Variants in HSH2D observed in about 807,000 individuals in gnomAD.
HSH2D encodes the protein hematopoietic SH2 domain containing.
HSH2D carries 16 observed loss-of-function variants against 21.5 expected under a neutral mutation model. The ratio of observed to expected loss-of-function variants is 0.74; its 90% confidence interval spans 0.50 to 1.13. HSH2D has a LOEUF of 1.13. Among genes scored for constraint, HSH2D ranks in the 50% most tolerant of loss-of-function variants. The pLI is 0.00. For synonymous variants in HSH2D, 172 were observed against 184.7 expected, an observed-to-expected ratio of 0.93 and a Z score of 0.56; for missense variants, 418 against 441.4, an observed-to-expected ratio of 0.95 and a Z score of 0.47.
At chr19:16,146,111 G>T (rs925296931) in intron 1 of HSH2D, among the ~76,000 whole-genome samples, 2 of 151,248 alleles carry the variant, frequency 1.3e-5, no homozygotes, top group Non-Finnish European at 2.9e-5. Flanking sequence ...GGGTGAGCAA[G>T]AGGGGTCCTG....
At chr19:16,140,502 G>A (rs2090992741), upstream of HSH2D, among the ~76,000 whole-genome samples, 1 of 151,874 alleles carries the variant, frequency 6.6e-6, no homozygotes, top group Non-Finnish European at 1.5e-5. Context: ...CTACTGGGGA[G>A]ACTGAGGCAG....
chr19:16,151,696 A>C (rs551350265), intron 2 of HSH2D: 5 of 412,018 alleles, frequency 1.2e-5, no homozygotes, highest in Non-Finnish European at 2.4e-5. Flanking sequence ...GATCAAGGTC[A>C]TCAGACGCCT....
At chr19:16,153,450 G>T (rs2091192284) in intron 4 of HSH2D, among the ~76,000 whole-genome samples, 1 of 152,214 alleles carries the variant, frequency 6.6e-6, no homozygotes, top group African/African-American at 2.4e-5. Context: ...AAGGGTTCAT[G>T]TGCCAGGTAT....
chr19:16,134,993 G>A (rs987300006), intron 1 of HSH2D, among the ~76,000 whole-genome samples: 5 of 151,452 alleles, frequency 3.3e-5, no homozygotes, highest in Non-Finnish European at 7.4e-5. Context: ...AAAATTGGCC[G>A]GGTGCAGTGG....
At chr19:16,148,915 C>A in intron 2 of HSH2D, 40 bp downstream of exon 2, 1 of 1,573,128 alleles carries the variant, frequency 6.4e-7, no homozygotes, top group Non-Finnish European at 8.6e-7. Flanking sequence ...CCCTCCCCAC[C>A]CTGTCCTTGT....
chr19:16,146,001 G>A (rs966167723), intron 1 of HSH2D, among the ~76,000 whole-genome samples: 5 of 151,750 alleles, frequency 3.3e-5, no homozygotes, highest in Admixed American at 3.3e-4. Flanking sequence ...ACTTGAACCT[G>A]GGAGGCGGAA....
chr19:16,135,034 C>T (rs1192217461), intron 1 of HSH2D, among the ~76,000 whole-genome samples: 2 of 149,946 alleles, frequency 1.3e-5, no homozygotes, highest in African/African-American at 4.9e-5. Context: ...TTTGGGAGGC[C>T]GAGGTGGGTG....
chr19:16,157,713 C>G lies in HSH2D; in HGVS notation c.978C>G (p.His326Gln), dbSNP rs1367380311. ...ALSSQESKPE[H>Q]QGLAEPENDQ... is the part of the protein sequence containing the mutation. ...CCTCCCAGGAGTCCAAGCCAGAGCACCAGGGCTTGGCAGAGCCTGAGAACG... is the reference window on the plus strand; with the variant it reads ...CCTCCCAGGAGTCCAAGCCAGAGCAGCAGGGCTTGGCAGAGCCTGAGAACG... Residue 326 changes from histidine (H) to glutamine (Q), a missense_variant, in exon 6 of 6, where the codon CAC becomes CAG. His to Gln is a conservative substitution (Grantham distance 24). Transcript: ENST00000613986. The surrounding 1 kb of genome is among the most constrained non-coding windows in gnomAD (Gnocchi z 4.4). The G allele has an allele frequency of 6.2e-7, 1 of 1,613,390 alleles. No individual in the cohort carries two copies. The highest frequency in any genetic ancestry group is 1.7e-5 in the Admixed American group (1 of 59,918).
At chr19:16,155,451 A>G (rs2091224671) in intron 5 of HSH2D, among the ~76,000 whole-genome samples, 1 of 152,064 alleles carries the variant, frequency 6.6e-6, no homozygotes, top group South Asian at 2.1e-4. Flanking sequence ...GAACAAAAAA[A>G]GCCAGCATAT....
At chr19:16,138,853 A>G (rs2090981092), upstream of HSH2D, among the ~76,000 whole-genome samples, 1 of 149,666 alleles carries the variant, frequency 6.7e-6, no homozygotes, top group South Asian at 2.1e-4. Flanking sequence ...GGTGGGGACC[A>G]TGCCAATCTT....
intron 1 of HSH2D, 114 bp downstream of exon 1, chr19:16,143,888 G>C (rs559618337): frequency 3.8e-6 from 1 of 263,872 alleles, no homozygotes. Context: ...TTTTCTAGGG[G>C]CATGGGGGAG....
chr19:16,136,187 T>C (rs955672901), intron 1 of HSH2D, among the ~76,000 whole-genome samples: 1 of 152,164 alleles, frequency 6.6e-6, no homozygotes, highest in Non-Finnish European at 1.5e-5. Context: ...ATCCTGATAC[T>C]AAAACTCAAA....
chr19:16,148,924 G>T (rs1411758163), intron 2 of HSH2D, 49 bp downstream of exon 2: 23 of 1,551,986 alleles, frequency 1.5e-5, no homozygotes, highest in Non-Finnish European at 2.0e-5. Context: ...CCCTGTCCTT[G>T]TCTGTCCCTA....
intron 1 of HSH2D, among the ~76,000 whole-genome samples, chr19:16,138,016 C>T (rs1394083910): frequency 2.0e-5 from 3 of 151,824 alleles, no homozygotes; most frequent in East Asian, 1.9e-4. Flanking sequence ...TTACAGGTCC[C>T]GCCACCACGC....
intron 1 of HSH2D, among the ~76,000 whole-genome samples, chr19:16,144,153 CA>C (rs1257856256): frequency 6.6e-6 from 1 of 152,024 alleles, no homozygotes; most frequent in Non-Finnish European, 1.5e-5. Flanking sequence ...AAGACCCTTG[CA>C]CCCTCCTCTG....
At chr19:16,150,231 G>A (rs2091130282) in intron 2 of HSH2D, among the ~76,000 whole-genome samples, 1 of 151,678 alleles carries the variant, frequency 6.6e-6, no homozygotes, top group East Asian at 1.9e-4. Flanking sequence ...ACAACATAGT[G>A]AGACTCCATC....
At chr19:16,138,322 T>C (rs1302182300) in intron 1 of HSH2D, among the ~76,000 whole-genome samples, 2 of 152,230 alleles carry the variant, frequency 1.3e-5, no homozygotes, top group Non-Finnish European at 2.9e-5. Context: ...GTGTGGATGA[T>C]GGAACCACGT....
At chr19:16,145,189 C>T (rs555938470) in intron 1 of HSH2D, among the ~76,000 whole-genome samples, 1 of 151,932 alleles carries the variant, frequency 6.6e-6, no homozygotes, top group East Asian at 1.9e-4. Context: ...CAGGCACATG[C>T]CACTGTAAGT....
chr19:16,153,981 C>A (rs2091202543), intron 4 of HSH2D, among the ~76,000 whole-genome samples: 2 of 150,986 alleles, frequency 1.3e-5, no homozygotes, highest in Admixed American at 1.3e-4. Flanking sequence ...GGCCTAGCTC[C>A]CAAGAAATTG....
Sources: allele counts gnomAD v4.1 joint callset (sites outside exome capture counted in the v4.1 genomes callset), GRCh38; gene constraint gnomAD v4.1.1; non-coding constraint Gnocchi (gnomAD v3.1); transcripts MANE v1.5; gene names NCBI Gene and HGNC (gene_info 2026-07-23, HGNC 2026-07-21).